Variants in DOT1L observed in about 807,000 individuals in gnomAD.
DOT1L encodes the protein DOT1 like histone lysine methyltransferase.
A neutral mutation model predicts 153.3 loss-of-function variants in DOT1L; 33 were observed. That is an observed-to-expected ratio of 0.22 (90% CI 0.16 to 0.29). The LOEUF is 0.29. DOT1L is among the 10% of genes least tolerant of loss of function. DOT1L has a pLI of 1.00. For missense variants in DOT1L, 1,847 were observed against 2,119.9 expected, an observed-to-expected ratio of 0.87 and a Z score of 2.53; for synonymous variants, 1,135 against 965.1, an observed-to-expected ratio of 1.18 and a Z score of -3.26.
chr19:2,178,905 G>A (rs766938524), intron 1 of DOT1L, among the ~76,000 whole-genome samples: 11 of 152,164 alleles, frequency 7.2e-5, no homozygotes, highest in Non-Finnish European at 1.5e-4. Flanking sequence ...GCAAAGCACC[G>A]CACAGACTTT....
chr19:2,228,097 T>C, intron 27 of DOT1L: 1 of 1,349,448 alleles, frequency 7.4e-7, no homozygotes, highest in Non-Finnish European at 9.9e-7. Context: ...AACCAAGCTT[T>C]CTTGCCCCCC....
intron 3 of DOT1L, among the ~76,000 whole-genome samples, chr19:2,187,783 G>GT (rs1298122757): frequency 6.6e-6 from 1 of 152,096 alleles, no homozygotes; most frequent in Non-Finnish European, 1.5e-5. Context: ...TTAGCCGGGC[G>GT]TGGTGGCGGG....
intron 7 of DOT1L, among the ~76,000 whole-genome samples, chr19:2,194,807 C>G (rs2022949514): frequency 6.6e-6 from 1 of 152,246 alleles, no homozygotes; most frequent in South Asian, 2.1e-4. Flanking sequence ...GCTTCTGTCC[C>G]TCGGCAGCAT....
chr19:2,186,067 C>G (rs1454163012), intron 3 of DOT1L, 138 bp downstream of exon 3: 1 of 816,418 alleles, frequency 1.2e-6, no homozygotes, highest in African/African-American at 1.7e-5. Flanking sequence ...TTGGCCGTGG[C>G]CACCATAAAG....
chr19:2,227,671 CTGCTGCTCTGCGCTTGCCTGGA>C, intron 27 of DOT1L: 1 of 1,278,136 alleles, frequency 7.8e-7, no homozygotes, highest in Non-Finnish European at 1.0e-6. Context: ...GAGCCTGCGG[CTGCTGCTCTGCGCTTGCCTGGA>C]TGCTGCCGCT....
chr19:2,183,734 C>T (rs1223132341), intron 2 of DOT1L, among the ~76,000 whole-genome samples: 43 of 151,696 alleles, frequency 2.8e-4, no homozygotes, highest in Admixed American at 2.8e-3. Flanking sequence ...TCAAGTGATT[C>T]TTCTTCCTCA....
chr19:2,189,965 C>T (rs771719316), intron 4 of DOT1L, among the ~76,000 whole-genome samples, 170 bp downstream of exon 4: 1 of 152,076 alleles, frequency 6.6e-6, no homozygotes, highest in African/African-American at 2.4e-5. Flanking sequence ...TGGGGGCTGC[C>T]GAGGCTGGGC....
rs1037002344 is a variant in DOT1L, at chr19:2,197,008, G to A, written c.651+2431G>A. 4.6e-5 allele frequency among the ~76,000 whole-genome samples: 7 copies of A among 152,204 alleles called. No individual in the cohort carries two copies. The highest frequency in any genetic ancestry group is 1.7e-4 in the African/African-American group (7 of 41,460). On this transcript the variant is annotated intron_variant, in intron 7 of 27. Transcript: ENST00000398665. This position sits in a 1 kb window ranked among gnomAD's most constrained non-coding sequence, Gnocchi z 4.1. ...GTGATGGGTTTCCAGTGCTGAACGC[G>A]TCCGCCTTGGTCGGCGTGCGATTCT...
At position 2,210,829 on chromosome 19, in the gene DOT1L, C is replaced by G; in HGVS notation, c.1325C>G (p.Ser442Cys). ...ALDALHAQTV[S>C]QTAASSPQDA... ...GATGCCCTGCACGCTCAGACCGTGT[C>G]TCAGACGGCGGCCTCCTCACCCCAG... The change falls in exon 14 of 28, where the codon TCT becomes TGT. Residue 442 changes from serine (S) to cysteine (C), a missense_variant. Physicochemically the swap from Ser to Cys is moderately radical, Grantham distance 112. Coordinates refer to ENST00000398665, the MANE Select transcript of DOT1L (RefSeq NM_032482.3). 1 of 1,612,724 alleles carries G rather than the reference C, an allele frequency of 6.2e-7. No homozygotes were observed. The highest frequency in any genetic ancestry group is 8.5e-7 in the Non-Finnish European group (1 of 1,179,946).
intron 3 of DOT1L, 81 bp from the exon 4 acceptor site, chr19:2,189,651 G>C: frequency 6.5e-7 from 1 of 1,531,014 alleles, no homozygotes; most frequent in Non-Finnish European, 8.9e-7. Flanking sequence ...CTTGGAGCCT[G>C]CCTTATCCAC....
At position 2,231,360 on chromosome 19, in the gene DOT1L, C is replaced by A. The variant is rs985695943; in HGVS notation, c.*1568C>A. On this transcript the variant is annotated 3_prime_UTR_variant, in exon 28 of 28. Coordinates refer to ENST00000398665, the MANE Select transcript of DOT1L (RefSeq NM_032482.3). ...GGTTCCCAAGGGCAGGATGGACACA[C>A]GTCACATCCCTACCACGTGGCCTCC... The A allele has an allele frequency of 4.8e-6, 1 of 208,600 alleles. No individual in the cohort carries two copies. The highest frequency in any genetic ancestry group is 1.9e-4 in the South Asian group (1 of 5,314). The allele number at this position is 208,600 out of a possible 1,614,324, so 12.9% of individuals were successfully genotyped here.
rs759654625 is a variant in DOT1L at position 2,227,085 on chromosome 19, G to C, written c.4564G>C (p.Ala1522Pro). The C allele has an allele frequency of 6.4e-6, 10 of 1,562,036 alleles. No homozygotes were observed. Among genetic ancestry groups the C allele is most frequent in the Middle Eastern group, 1.7e-4 (1 of 5,936 alleles). ...TGCCACCAGACTGACCAACTCGCAC[G>C]CCATGGGCAGCTTTTCCGGGGTGGC... ...SAATRLTNSH[A>P]MGSFSGVAGG... Residue 1522 changes from alanine to proline, a missense_variant, in exon 27 of 28, where the codon GCC becomes CCC. By Grantham distance (27) the Ala-to-Pro change is conservative. Coordinates refer to ENST00000398665, the MANE Select transcript of DOT1L (RefSeq NM_032482.3).
chr19:2,165,114 G>T (rs1486448723), intron 1 of DOT1L, among the ~76,000 whole-genome samples: 1 of 152,196 alleles, frequency 6.6e-6, no homozygotes, highest in Non-Finnish European at 1.5e-5. Context: ...CTGAGGAGGC[G>T]GGGCGCGTGC....
chr19:2,221,817 GGTTCCAC>G (rs1244244728), intron 23 of DOT1L, 152 bp from the exon 24 acceptor site: 8 of 736,686 alleles, frequency 1.1e-5, no homozygotes, highest in Middle Eastern at 3.6e-4. Context: ...AGAGCCTTCT[GGTTCCAC>G]CCCAGAGGGG....
At chr19:2,192,605 G>A (rs185410293) in intron 5 of DOT1L, among the ~76,000 whole-genome samples, 22 of 151,734 alleles carry the variant, frequency 1.4e-4, no homozygotes, top group Admixed American at 2.6e-4. Context: ...CTTTGAAGGC[G>A]GAGGTTGTGG....
intron 8 of DOT1L, among the ~76,000 whole-genome samples, chr19:2,200,522 A>C (rs898308487): frequency 6.6e-6 from 1 of 152,118 alleles, no homozygotes; most frequent in Non-Finnish European, 1.5e-5. Flanking sequence ...TCCACTGCCC[A>C]GCCTGGGTGT....
At chr19:2,195,678 G>T (rs1209761541) in intron 7 of DOT1L, among the ~76,000 whole-genome samples, 2 of 152,162 alleles carry the variant, frequency 1.3e-5, no homozygotes, top group African/African-American at 4.8e-5. Context: ...GCTGGGTGGG[G>T]CGGGCACCAG....
intron 22 of DOT1L, 119 bp downstream of exon 22, chr19:2,218,037 T>C (rs929049197): frequency 7.0e-7 from 1 of 1,418,498 alleles, no homozygotes; most frequent in Non-Finnish European, 9.4e-7. Context: ...CGTGAGGCAA[T>C]GCAGTCAAGG....
intron 5 of DOT1L, among the ~76,000 whole-genome samples, chr19:2,192,952 C>G (rs2022860209): frequency 6.6e-6 from 1 of 152,174 alleles, no homozygotes; most frequent in Non-Finnish European, 1.5e-5. Flanking sequence ...TCTCTTCCCA[C>G]TGGTGTGGTG....
Sources: gnomAD v4.1 joint callset for allele counts (sites outside exome capture counted in the v4.1 genomes callset) on GRCh38, gnomAD v4.1.1 for gene constraint, Gnocchi (gnomAD v3.1) non-coding constraint, MANE v1.5 for transcripts, NCBI Gene and HGNC (gene_info 2026-07-23, HGNC 2026-07-21) for gene names.